The following NRG2 variants were observed in gnomAD, a reference collection of about 807,000 sequenced individuals.
NRG2 encodes pro-neuregulin-2, membrane-bound isoform.
NRG2 carries 27 observed loss-of-function variants against 73.9 expected under a neutral mutation model. That is an observed-to-expected ratio of 0.37 (90% CI 0.27 to 0.50). The LOEUF is 0.50. NRG2 is among the 20% of genes least tolerant of loss of function. The pLI, the probability that NRG2 is intolerant of heterozygous loss-of-function variation, is 0.96. For missense variants in NRG2, 1,126 were observed against 1,210.1 expected, an observed-to-expected ratio of 0.93 and a Z score of 1.03; for synonymous variants, 532 against 541.0, an observed-to-expected ratio of 0.98 and a Z score of 0.23.
intron 1 of NRG2, among the ~76,000 whole-genome samples, chr5:139,972,801 T>A (rs1380580857): frequency 6.6e-6 from 1 of 152,110 alleles, no homozygotes; most frequent in Non-Finnish European, 1.5e-5. Context: ...AAAATAAAGA[T>A]TAATACCCTA....
At chr5:139,857,722 T>G (rs1561628939) in intron 5 of NRG2, among the ~76,000 whole-genome samples, 1 of 152,026 alleles carries the variant, frequency 6.6e-6, no homozygotes, top group Non-Finnish European at 1.5e-5. Context: ...TTACCCTCTT[T>G]TCAAACTCCT....
In NRG2 at chr5:140,013,640, G is replaced by A. The variant is rs137979956; in HGVS notation, c.700+28730C>T. Reference sequence around the variant, plus strand: ...CTTTGTTCACCTTTGTAGCAAACTTGCAATAAATTCCTTCTCTTCTCTTCC... The same window carrying A: ...CTTTGTTCACCTTTGTAGCAAACTTACAATAAATTCCTTCTCTTCTCTTCC... On this transcript the variant is annotated intron_variant, in intron 1 of 9. Coordinates refer to ENST00000361474, the MANE Select transcript of NRG2 (RefSeq NM_004883.3). 9.3e-3 allele frequency among the ~76,000 whole-genome samples: 1,414 copies of A among 152,218 alleles called. 15 individuals carry two copies. The highest frequency in any genetic ancestry group is 0.014 in the Non-Finnish European group (980 of 68,010).
rs755647611 is a variant in NRG2 at position 140,042,879 on chromosome 5, T to A, written c.191A>T (p.Glu64Val). The A allele has an allele frequency of 5.3e-6, 8 of 1,517,902 alleles. No homozygotes were observed. The highest frequency in any genetic ancestry group is 5.2e-5 in the East Asian group (2 of 38,282). 94.0% of individuals were successfully genotyped at this position (1,517,902 alleles called of 1,614,324 possible). The change falls in exon 1 of 10, where the codon GAG becomes GTG. Residue 64 changes from glutamate to valine, a missense_variant. Physicochemically the swap from Glu to Val is moderately radical, Grantham distance 121. Around this residue, in one of 3 missense-constraint regions of NRG2, gnomAD observed 185 missense variants for 149.0 expected, o/e 1.24. Coordinates refer to ENST00000361474, the MANE Select transcript of NRG2 (RefSeq NM_004883.3). ...CTGCGGCTGTTGCTGCGGCCGCGGC[T>A]CTGGGGGCGCAGCGGGACGAGAGAT... ...SSISRPAAPP[E>V]PRPQQQPQPR...
chr5:140,000,373 CT>C (rs1190134302), intron 1 of NRG2, among the ~76,000 whole-genome samples: 1 of 152,212 alleles, frequency 6.6e-6, no homozygotes, highest in African/African-American at 2.4e-5. Flanking sequence ...ACCCTTCCAG[CT>C]TCCCCTGCCG....
intron 5 of NRG2, among the ~76,000 whole-genome samples, chr5:139,861,168 A>G (rs1375814277): frequency 2.6e-5 from 4 of 152,210 alleles, no homozygotes; most frequent in African/African-American, 7.2e-5. Context: ...AGATGTGAAC[A>G]AGCCTGGACG....
Position 139,939,260 on chromosome 5 carries a change from CTTTT to C in NRG2, c.701-51753_701-51750del, listed in dbSNP as rs59868638. ...CCTTCCTTCCTTTCTTTCTTTCTTT[CTTTT>C]TCTTTCTTTCTTTCTTTCCTTTCTT... On this transcript the variant is annotated intron_variant, in intron 1 of 9. Coordinates refer to ENST00000361474, the MANE Select transcript of NRG2 (RefSeq NM_004883.3). 7.6e-3 allele frequency among the ~76,000 whole-genome samples: 1,036 copies of C among 136,834 alleles called. 10 individuals are homozygous for C. The highest frequency in any genetic ancestry group is 0.011 in the Non-Finnish European group (706 of 62,466). 89.8% of individuals were successfully genotyped at this position (136,834 alleles called of 152,430 possible).
At chr5:139,859,419 T>C (rs984638603) in intron 5 of NRG2, among the ~76,000 whole-genome samples, 7 of 151,924 alleles carry the variant, frequency 4.6e-5, no homozygotes, top group African/African-American at 1.7e-4. Context: ...GCAATGAACA[T>C]GGAAATGGGG....
At chr5:139,875,432 G>A (rs1221473938) in intron 3 of NRG2, among the ~76,000 whole-genome samples, 2 of 152,182 alleles carry the variant, frequency 1.3e-5, no homozygotes, top group African/African-American at 4.8e-5. Flanking sequence ...CACATAACAG[G>A]TGCTTAACAA....
intron 1 of NRG2, among the ~76,000 whole-genome samples, chr5:139,924,238 T>C (rs75664838): frequency 0.014 from 2,108 of 152,332 alleles, 56 homozygotes; most frequent in African/African-American, 0.049. Context: ...CCGGGGGGAT[T>C]GCCATCTCTT....
At chr5:139,934,030 C>T (rs1054167381) in intron 1 of NRG2, among the ~76,000 whole-genome samples, 4 of 152,090 alleles carry the variant, frequency 2.6e-5, no homozygotes, top group African/African-American at 9.7e-5. Flanking sequence ...GAAACCTCGT[C>T]TCTTCAAAAA....
rs191239463 is a variant in NRG2, at chr5:139,904,141, C to T, written c.701-16630G>A. ...CCTGGCACGCAGCCCCTTGCTCTCC[C>T]GGCCGCGACGACCCGCTCGCACGCA... is the stretch of plus-strand genomic sequence containing the variant. On this transcript the variant is annotated intron_variant, in intron 1 of 9. Transcript: ENST00000361474. The surrounding 1 kb of genome is among the most constrained non-coding windows in gnomAD (Gnocchi z 6.0). 4.9e-4 allele frequency among the ~76,000 whole-genome samples: 74 copies of T among 152,260 alleles called. No homozygotes were observed. The East Asian group carries it at 8.9e-3, about 18-fold the overall frequency.
At chr5:140,010,226 A>G (rs561376163) in intron 1 of NRG2, among the ~76,000 whole-genome samples, 1 of 152,144 alleles carries the variant, frequency 6.6e-6, no homozygotes, top group Non-Finnish European at 1.5e-5. Context: ...TGAACCCAGG[A>G]GGTGGAGGTT....
In NRG2 at chr5:139,870,317, C is replaced by T. The variant is rs1217061092; in HGVS notation, c.1112+1404G>A. On this transcript the variant is annotated intron_variant, in intron 4 of 9. Coordinates refer to ENST00000361474, the MANE Select transcript of NRG2 (RefSeq NM_004883.3). This position sits in a 1 kb window ranked among gnomAD's most constrained non-coding sequence, Gnocchi z 4.4. The stretch of plus-strand genomic sequence containing the variant: ...CTGTTGTTGCTACTGGGACTCTCCT[C>T]TAAGGTTCAGGGAGGGGGAGAAGGA... Among the ~76,000 whole-genome samples, 2 of 151,994 alleles carry T rather than the reference C, an allele frequency of 1.3e-5. No homozygotes were observed. Among genetic ancestry groups the T allele is most frequent in the Non-Finnish European group, 2.9e-5 (2 of 67,996 alleles).
chr5:139,936,443 T>C (rs1264029645), intron 1 of NRG2, among the ~76,000 whole-genome samples: 1 of 152,178 alleles, frequency 6.6e-6, no homozygotes, highest in Non-Finnish European at 1.5e-5. Flanking sequence ...GAACTACTAA[T>C]ACTCACTCAA....
intron 1 of NRG2, among the ~76,000 whole-genome samples, chr5:139,950,182 C>A (rs1754095590): frequency 6.6e-6 from 1 of 152,198 alleles, no homozygotes; most frequent in Non-Finnish European, 1.5e-5. Flanking sequence ...CTCAGAAGGT[C>A]AGCTAGAGTG....
At chr5:139,884,904 C>T (rs1361542993) in intron 2 of NRG2, among the ~76,000 whole-genome samples, 1 of 151,962 alleles carries the variant, frequency 6.6e-6, no homozygotes, top group Admixed American at 6.6e-5. Flanking sequence ...AAGAAATGTG[C>T]AGGAGGAGGG....
intron 1 of NRG2, among the ~76,000 whole-genome samples, chr5:139,927,691 AAGGCG>A (rs1752160243): frequency 6.6e-6 from 1 of 150,514 alleles, no homozygotes; most frequent in African/African-American, 2.5e-5. Flanking sequence ...TTGAACCCGG[AAGGCG>A]GAGGTTGCGG....
chr5:139,914,717 T>G (rs982210701), intron 1 of NRG2, among the ~76,000 whole-genome samples: 7 of 152,254 alleles, frequency 4.6e-5, no homozygotes, highest in African/African-American at 1.7e-4. Context: ...ATATTTAAGC[T>G]GTCTTTGATT....
chr5:139,857,841 C>T (rs559726946), intron 5 of NRG2, among the ~76,000 whole-genome samples: 1 of 152,250 alleles, frequency 6.6e-6, no homozygotes, highest in East Asian at 1.9e-4. Flanking sequence ...ACCCTAATGC[C>T]GGATCCAGCC....
Sources: allele counts gnomAD v4.1 joint callset (sites outside exome capture counted in the v4.1 genomes callset), GRCh38; gene constraint gnomAD v4.1.1; regional missense constraint gnomAD v4.1.1; non-coding constraint Gnocchi (gnomAD v3.1); transcripts MANE v1.5; gene names NCBI Gene and HGNC (gene_info 2026-07-23, HGNC 2026-07-21).